The following CPAMD8 variants were observed in gnomAD, a reference collection of about 807,000 sequenced individuals.
The protein encoded by CPAMD8 is C3 and PZP like alpha-2-macroglobulin domain containing 8, also known as C3 and PZP-like alpha-2-macroglobulin domain-containing protein 8.
CPAMD8 carries 146 observed loss-of-function variants against 224.7 expected under a neutral mutation model. That is an observed-to-expected ratio of 0.65 (90% CI 0.57 to 0.75). The LOEUF is 0.75. Among genes scored for constraint, CPAMD8 ranks in the 30% least tolerant of loss-of-function variants. CPAMD8 has a pLI of 0.00. For missense variants in CPAMD8, 2,301 were observed against 2,537.5 expected (o/e 0.91, Z 2.00); for synonymous variants, 966 against 1,044.6 (o/e 0.92, Z 1.45).
At chr19:16,975,073 G>C (rs754601191) in intron 17 of CPAMD8, 24 bp downstream of exon 17, 17 of 1,606,264 alleles carry the variant, frequency 1.1e-5, no homozygotes, top group Non-Finnish European at 1.3e-5. Context: ...GGGGGCAGAG[G>C]GATCTGAGAC....
intron 2 of CPAMD8, among the ~76,000 whole-genome samples, chr19:17,021,091 A>G (rs1427081202): frequency 2.6e-5 from 4 of 152,228 alleles, no homozygotes; most frequent in Admixed American, 1.3e-4. Flanking sequence ...AGGGTTGAGC[A>G]CATGAACCAA....
chr19:16,972,776 G>A (rs1044288204), intron 17 of CPAMD8, among the ~76,000 whole-genome samples: 5 of 152,108 alleles, frequency 3.3e-5, no homozygotes, highest in Non-Finnish European at 5.9e-5. Context: ...ACTCAAAGGC[G>A]TCACCTCTGA....
Position 16,947,075 on chromosome 19 carries a change from C to T in CPAMD8, c.2661G>A (p.Thr887=), listed in dbSNP as rs376665564. The T allele has an allele frequency of 3.9e-5, 62 of 1,604,430 alleles. 1 individual carries two copies. The highest frequency in any genetic ancestry group is 1.7e-4 in the Middle Eastern group (1 of 6,032). ...CCCCAAGAACTGTGGGGTCCTCACC[C>T]GTGATGTTGTTGAGTCCCAGGTCGC... ...SFSDLGLNNI[T]AKALAYGDTN... Residue 887 remains threonine (T), a splice_region_variant and synonymous_variant, in exon 21 of 42, where the codon ACG becomes ACA. Transcript: ENST00000443236.
intron 23 of CPAMD8, among the ~76,000 whole-genome samples, chr19:16,930,806 G>A (rs183183064): frequency 1.5e-3 from 230 of 152,250 alleles, no homozygotes; most frequent in African/African-American, 4.8e-3. Flanking sequence ...GCACCGTATC[G>A]AGATCCTAGC....
chr19:16,966,653 A>T (rs1186170237), intron 18 of CPAMD8, among the ~76,000 whole-genome samples: 1 of 152,190 alleles, frequency 6.6e-6, no homozygotes, highest in African/African-American at 2.4e-5. Context: ...CAAGAAAAAA[A>T]CAAACAACCC....
chr19:16,927,974 T>C, intron 25 of CPAMD8, 35 bp downstream of exon 25: 1 of 1,504,000 alleles, frequency 6.6e-7, no homozygotes, highest in Non-Finnish European at 9.3e-7. Flanking sequence ...TCTTGCCCCC[T>C]GACCTCTCCA....
chr19:16,899,451 TCCA>T lies in CPAMD8; in HGVS notation c.4848+21_4848+23del. The T allele has an allele frequency of 8.0e-7, 1 of 1,245,914 alleles. No homozygotes were observed. Among genetic ancestry groups the T allele is most frequent in the Non-Finnish European group, 1.2e-6 (1 of 844,606 alleles). The allele number at this position is 1,245,914 out of a possible 1,614,324, so 77.2% of individuals were successfully genotyped here. Reference sequence around the variant, plus strand: ...CAACATGCACACCAGGGAAGCCTCCTCCACCAACCCCGGCTGGTGGTACCTCAT... The same window carrying T: ...CAACATGCACACCAGGGAAGCCTCCTCCAACCCCGGCTGGTGGTACCTCAT... On this transcript the variant is annotated intron_variant, in intron 37 of 41. Coordinates refer to ENST00000443236, the MANE Select transcript of CPAMD8 (RefSeq NM_015692.5). This position sits in a 1 kb window ranked among gnomAD's most constrained non-coding sequence, Gnocchi z 5.4.
At chr19:16,958,945 G>A (rs987095557) in intron 18 of CPAMD8, among the ~76,000 whole-genome samples, 2 of 150,738 alleles carry the variant, frequency 1.3e-5, no homozygotes, top group South Asian at 2.1e-4. Flanking sequence ...GATTACAGGC[G>A]CCTGCCACTA....
intron 3 of CPAMD8, among the ~76,000 whole-genome samples, chr19:17,018,947 G>GA (rs1452166366): frequency 2.0e-5 from 3 of 148,844 alleles, no homozygotes; most frequent in East Asian, 2.0e-4. Flanking sequence ...AAACAATCTA[G>GA]AAAAAATCTA....
chr19:16,931,411 T>G (rs2053542391), intron 23 of CPAMD8, among the ~76,000 whole-genome samples: 1 of 152,120 alleles, frequency 6.6e-6, no homozygotes, highest in Admixed American at 6.5e-5. Context: ...GGCACACACC[T>G]GCCTATGCCA....
intron 29 of CPAMD8, among the ~76,000 whole-genome samples, chr19:16,910,063 G>A (rs2052666555): frequency 6.6e-6 from 1 of 151,852 alleles, no homozygotes; most frequent in African/African-American, 2.4e-5. Context: ...TATTGGCCAG[G>A]CTGGTCTCGG....
intron 12 of CPAMD8, among the ~76,000 whole-genome samples, chr19:16,990,193 G>T (rs1264523811): frequency 6.6e-6 from 1 of 152,136 alleles, no homozygotes; most frequent in African/African-American, 2.4e-5. Context: ...GGCAGAGGCT[G>T]CAGTGAGCTG....
rs1425891063 is a variant in CPAMD8 at position 16,902,788 on chromosome 19, C to T, written c.4546G>A (p.Glu1516Lys). 3.8e-6 allele frequency: 6 copies of T among 1,588,658 alleles called. No homozygotes were observed. In the African/African-American group the frequency reaches 6.7e-5, roughly 18 times the overall value. ...FQLLVSLQEPEAQGRPPPMPA... is the reference protein window; with the variant it reads ...FQLLVSLQEPKAQGRPPPMPA... ...ATGGGGGGCGGGCGTCCCTGGGCCT[C>T]AGGCTCCTGGAGGCTTACGAGCAGC... is the stretch of plus-strand genomic sequence containing the variant. The change falls in exon 35 of 42, where the codon GAG becomes AAG. Residue 1516 changes from glutamate to lysine, a missense_variant. This residue lies in a region of CPAMD8 where 1,709 missense variants were observed against 1,753.2 expected (regional missense o/e 0.97). Transcript: ENST00000443236.
chr19:16,897,703 C>G lies in CPAMD8; in HGVS notation c.5053G>C (p.Ala1685Pro). ...TCCGCGCACTCACCCGGGCCCCGGG[C>G]AGGGGCGCGCTCCACTTCGTTGCAC... ...PACNEVERAP[A>P]RGPGWFPGES... Residue 1685 changes from alanine (A) to proline (P), a missense_variant, in exon 39 of 42, where the codon GCC becomes CCC. Physicochemically the swap from Ala to Pro is conservative, Grantham distance 27. Transcript: ENST00000443236. 4 of 1,538,724 alleles carry G rather than the reference C, an allele frequency of 2.6e-6. No homozygotes were observed. The highest frequency in any genetic ancestry group is 3.5e-6 in the Non-Finnish European group (4 of 1,140,448).
At position 16,997,325 on chromosome 19, in the gene CPAMD8, C is replaced by T. The variant is rs3745340; in HGVS notation, c.881G>A (p.Arg294Gln). 0.36 allele frequency: 566,909 copies of T among 1,565,230 alleles called. 105,896 individuals are homozygous for T. Among genetic ancestry groups the T allele is most frequent in the East Asian group, 0.5 (21,839 of 43,744 alleles). Residue 294 changes from arginine to glutamine, a missense_variant, in exon 11 of 42, where the codon CGG becomes CAG. Physicochemically the swap from Arg to Gln is conservative, Grantham distance 43. Coordinates refer to ENST00000443236, the MANE Select transcript of CPAMD8 (RefSeq NM_015692.5). ...GTCCCTCACGCAGATGTCGAAGTCCCGGGAGCCGAGGATCTGGAGGGAGGA... is the reference window on the plus strand; with the variant it reads ...GTCCCTCACGCAGATGTCGAAGTCCTGGGAGCCGAGGATCTGGAGGGAGGA... ...VLRTTKILGS[R>Q]DFDICVRDMI...
chr19:16,975,263 A>G lies in CPAMD8; in HGVS notation c.1909-5T>C. ...ATCTTCCAGTTCCTGGAAAACCTGC[A>G]GGCAAAGGGGGACAGAGACTTGTCA... On this transcript the variant is annotated splice_region_variant and splice_polypyrimidine_tract_variant and intron_variant, in intron 16 of 41. Coordinates refer to ENST00000443236, the MANE Select transcript of CPAMD8 (RefSeq NM_015692.5). 2 of 1,596,376 alleles carry G rather than the reference A, an allele frequency of 1.3e-6. No homozygotes were observed. The highest frequency in any genetic ancestry group is 1.7e-6 in the Non-Finnish European group (2 of 1,169,956).
chr19:16,932,771 C>T (rs2053583272), intron 23 of CPAMD8, among the ~76,000 whole-genome samples: 1 of 152,038 alleles, frequency 6.6e-6, no homozygotes, highest in Non-Finnish European at 1.5e-5. Context: ...GGTAGAAAAC[C>T]TATTTAACAA....
At chr19:16,908,262 G>A (rs1319118192) in intron 29 of CPAMD8, among the ~76,000 whole-genome samples, 2 of 151,948 alleles carry the variant, frequency 1.3e-5, no homozygotes, top group Non-Finnish European at 2.9e-5. Flanking sequence ...AGAAGGCTGA[G>A]GCAGGCACAA....
At chr19:16,906,344 T>TTC (rs1487520458) in intron 30 of CPAMD8, among the ~76,000 whole-genome samples, 1 of 28,842 alleles carries the variant, frequency 3.5e-5, no homozygotes, top group African/African-American at 1.3e-4. Flanking sequence ...TTCCCTTTCT[T>TTC]TCTTTCTTTC....
Sources: gnomAD v4.1 joint callset for allele counts (sites outside exome capture counted in the v4.1 genomes callset) on GRCh38, gnomAD v4.1.1 for gene constraint, gnomAD v4.1.1 regional missense constraint, Gnocchi (gnomAD v3.1) non-coding constraint, MANE v1.5 for transcripts, NCBI Gene and HGNC (gene_info 2026-07-23, HGNC 2026-07-21) for gene names.